Variants in TSPAN11 observed in about 807,000 individuals in gnomAD.
TSPAN11 encodes tetraspanin-11.
A neutral mutation model predicts 32.9 loss-of-function variants in TSPAN11; 29 were observed. The ratio of observed to expected loss-of-function variants is 0.88; its 90% CI spans 0.66 to 1.20. The LOEUF (loss-of-function observed/expected upper bound fraction) is 1.20. Ranked by LOEUF, TSPAN11 falls within the 50% of genes most tolerant of loss-of-function variation. TSPAN11 has a pLI of 0.00. For synonymous variants in TSPAN11, 140 were observed against 141.3 expected, an observed-to-expected ratio of 0.99 and a Z score of 0.07; for missense variants, 283 against 329.1, an observed-to-expected ratio of 0.86 and a Z score of 1.08.
Position 30,978,557 on chromosome 12 carries a change from C to G in TSPAN11, c.277-4C>G. 6.2e-7 allele frequency: 1 copy of G among 1,614,188 alleles called. No homozygotes were observed. The highest frequency in any genetic ancestry group is 8.5e-7 in the Non-Finnish European group (1 of 1,180,008). ...TGGTGACCGTCCTCTCTCTTTGCTG[C>G]TAGTATTTCTGCCTGTTGCTCGTCA... On this transcript the variant is annotated splice_polypyrimidine_tract_variant and splice_region_variant and intron_variant, in intron 3 of 7. Coordinates refer to ENST00000546076, the MANE Select transcript of TSPAN11 (RefSeq NM_001370302.1).
Position 30,963,844 on chromosome 12 carries a change from C to T in TSPAN11, c.103C>T (p.Leu35=). ...FFFWVGGAAV[L]AVGIWTLVEK... The stretch of plus-strand genomic sequence containing the variant: ...CCTGCAGGTCGGGGGAGCAGCCGTC[C>T]TGGCTGTGGGCATCTGGACCCTGGT... Residue 35 remains leucine (L), a synonymous_variant, in exon 3 of 8, where the codon CTG becomes TTG. Coordinates refer to ENST00000546076, the MANE Select transcript of TSPAN11 (RefSeq NM_001370302.1). 1 of 1,609,804 alleles carries T rather than the reference C, an allele frequency of 6.2e-7. No homozygotes were observed. Among genetic ancestry groups the T allele is most frequent in the Non-Finnish European group, 8.5e-7 (1 of 1,179,944 alleles).
At chr12:30,983,010 C>T in intron 6 of TSPAN11, 54 bp from the exon 7 acceptor site, 6 of 1,568,182 alleles carry the variant, frequency 3.8e-6, no homozygotes, top group Non-Finnish European at 5.2e-6. Context: ...GCCCTCCGTC[C>T]CCACCCATGC....
rs555191505 is a variant in TSPAN11 at position 30,946,433 on chromosome 12, C to G, written c.-11-7548C>G. Among the ~76,000 whole-genome samples, 53 of 152,300 alleles carry G rather than the reference C, an allele frequency of 3.5e-4. No individual in the cohort carries two copies. The South Asian group carries it at 0.011, about 31-fold the overall frequency. ...GAAGACAGTAACATGCCTTACCAAGCACAGGCAGCAAAGAGCAGACCCAGA... is the reference window on the plus strand; with the variant it reads ...GAAGACAGTAACATGCCTTACCAAGGACAGGCAGCAAAGAGCAGACCCAGA... On this transcript the variant is annotated intron_variant, in intron 1 of 7. Coordinates refer to ENST00000546076, the MANE Select transcript of TSPAN11 (RefSeq NM_001370302.1).
intron 3 of TSPAN11, among the ~76,000 whole-genome samples, chr12:30,966,502 A>C (rs988954494): frequency 5.9e-5 from 9 of 152,340 alleles, no homozygotes; most frequent in Admixed American, 1.3e-4. Context: ...CTCTTCTGCA[A>C]CCCAAGAGGT....
chr12:30,931,834 C>T (rs929716290), intron 1 of TSPAN11, among the ~76,000 whole-genome samples: 2 of 137,834 alleles, frequency 1.5e-5, no homozygotes, highest in Admixed American at 7.5e-5. Context: ...GAGCCGAGAT[C>T]GCACCACTGC....
intron 1 of TSPAN11, among the ~76,000 whole-genome samples, chr12:30,931,516 A>G (rs1421848470): frequency 6.6e-6 from 1 of 152,138 alleles, no homozygotes; most frequent in East Asian, 1.9e-4. Context: ...TCTCTCCCAG[A>G]GCTGCCTTTT....
intron 2 of TSPAN11, among the ~76,000 whole-genome samples, chr12:30,962,932 C>T (rs556979842): frequency 8.5e-5 from 13 of 152,196 alleles, no homozygotes; most frequent in Non-Finnish European, 1.8e-4. Flanking sequence ...ACATTATGCC[C>T]TTCTGGGTCC....
chr12:30,956,619 C>T (rs894305094), intron 2 of TSPAN11, among the ~76,000 whole-genome samples: 2 of 152,116 alleles, frequency 1.3e-5, no homozygotes, highest in African/African-American at 4.8e-5. Context: ...AGGGAAGGAA[C>T]CAAAAACGCT....
intron 3 of TSPAN11, among the ~76,000 whole-genome samples, chr12:30,973,440 A>G (rs188600428): frequency 1.3e-5 from 2 of 152,338 alleles, no homozygotes; most frequent in Admixed American, 1.3e-4. Context: ...AGGGCTGTGC[A>G]GATGAGTAAG....
rs984233020 is a variant in TSPAN11, at chr12:30,993,836, A to T, written c.*1921A>T. ...TTCTTCCTGCCGAGGTGCCAGGGGG[A>T]GGCGGCAGTGGGCAGGGGGTGCTGG... On this transcript the variant is annotated 3_prime_UTR_variant, in exon 8 of 8. Transcript: ENST00000546076. 3.3e-5 allele frequency: 5 copies of T among 152,372 alleles called. No individual in the cohort carries two copies. The highest frequency in any genetic ancestry group is 2.0e-4 in the Admixed American group (3 of 15,292). The allele number at this position is 152,372 out of a possible 1,614,324, so 9.4% of individuals were successfully genotyped here.
intron 1 of TSPAN11, among the ~76,000 whole-genome samples, chr12:30,931,879 C>CAAAAAAAAAAAAAAAAA (rs58500177): frequency 1.6e-5 from 1 of 60,884 alleles, no homozygotes. Flanking sequence ...GACGCTGTAT[C>CAAAAAAAAAAAAAAAAA]AAAAAAAAAA....
intron 3 of TSPAN11, among the ~76,000 whole-genome samples, chr12:30,969,296 TTC>T (rs1445606528): frequency 1.3e-5 from 2 of 152,126 alleles, no homozygotes; most frequent in Non-Finnish European, 2.9e-5. Context: ...TACCTACACA[TTC>T]TGTTATGTTG....
chr12:30,930,767 A>G (rs1937904209), intron 1 of TSPAN11, among the ~76,000 whole-genome samples: 1 of 152,210 alleles, frequency 6.6e-6, no homozygotes, highest in Non-Finnish European at 1.5e-5. Context: ...TCTCCCCTGT[A>G]GTAGTCAGGG....
chr12:31,010,188 T>C, the TSPAN11 span, among the ~76,000 whole-genome samples: 2 of 152,190 alleles, frequency 1.3e-5, no homozygotes, highest in African/African-American at 4.8e-5. Context: ...GATGACATCA[T>C]GATCCCCTGG....
chr12:31,003,355 G>A, the TSPAN11 span, among the ~76,000 whole-genome samples: 1 of 152,140 alleles, frequency 6.6e-6, no homozygotes, highest in Non-Finnish European at 1.5e-5. Context: ...TGTAGACTTG[G>A]CCAAATGATG....
At chr12:31,003,994 T>G in the TSPAN11 span, among the ~76,000 whole-genome samples, 1 of 152,136 alleles carries the variant, frequency 6.6e-6, no homozygotes, top group Non-Finnish European at 1.5e-5. Flanking sequence ...AGGAGCTGGG[T>G]GGCCATGACT....
chr12:31,016,152 C>T, the TSPAN11 span, among the ~76,000 whole-genome samples: 4 of 152,162 alleles, frequency 2.6e-5, no homozygotes, highest in East Asian at 1.9e-4. Context: ...AGAAGTCAGA[C>T]GCAAAAGGAC....
chr12:30,944,728 A>G (rs550419241), intron 1 of TSPAN11, among the ~76,000 whole-genome samples: 1 of 152,358 alleles, frequency 6.6e-6, no homozygotes, highest in African/African-American at 2.4e-5. Context: ...TTGTGACAAT[A>G]TGGTTGAACC....
At chr12:30,973,609 C>G (rs1173068384) in intron 3 of TSPAN11, among the ~76,000 whole-genome samples, 1 of 152,164 alleles carries the variant, frequency 6.6e-6, no homozygotes, top group Non-Finnish European at 1.5e-5. Flanking sequence ...GCCTCCTAAG[C>G]CATGGGCCAG....
Sources: gnomAD v4.1 joint callset for allele counts (sites outside exome capture counted in the v4.1 genomes callset) on GRCh38, gnomAD v4.1.1 for gene constraint, MANE v1.5 for transcripts, NCBI Gene and HGNC (gene_info 2026-07-23, HGNC 2026-07-21) for gene names.